OPA1: variants seen among roughly 807,000 people sequenced by gnomAD.
OPA1 encodes the protein dynamin-like GTPase OPA1, mitochondrial.
Under a neutral mutation model 152.9 loss-of-function variants are expected in OPA1, and 59 were observed. The observed-to-expected ratio is 0.39, with a 90% confidence interval of 0.31 to 0.48. The LOEUF (loss-of-function observed/expected upper bound fraction) is 0.48, where lower values mean the gene tolerates loss of function less well. OPA1 is among the 20% of genes least tolerant of loss of function. The pLI is 0.96. For synonymous variants in OPA1, 400 were observed against 389.9 expected (o/e 1.03, Z -0.31); for missense variants, 1,008 against 1,216.8 (o/e 0.83, Z 2.55).
chr3:193,672,590 C>T (rs574089884), intron 29 of OPA1, among the ~76,000 whole-genome samples: 170 of 152,110 alleles, frequency 1.1e-3, no homozygotes, highest in Non-Finnish European at 2.0e-3. Context: ...GAGTCTTGGC[C>T]GGATGCGGTG....
chr3:193,633,417 A>C (rs1016765975), intron 8 of OPA1, among the ~76,000 whole-genome samples: 11 of 152,206 alleles, frequency 7.2e-5, no homozygotes, highest in African/African-American at 2.7e-4. Flanking sequence ...TCCCCAGAAA[A>C]TGTAGACCCC....
intron 1 of OPA1, among the ~76,000 whole-genome samples, chr3:193,596,361 C>CCT (rs1725546666): frequency 7.9e-4 from 37 of 46,980 alleles, no homozygotes; most frequent in African/African-American, 2.6e-3. Context: ...CTTTTCTTTT[C>CCT]TTAATTTTCT....
intron 27 of OPA1, among the ~76,000 whole-genome samples, chr3:193,666,071 A>G (rs181557903): frequency 3.9e-5 from 6 of 152,312 alleles, no homozygotes; most frequent in Admixed American, 3.9e-4. Flanking sequence ...TAGAATTGAA[A>G]CAAAGCTATC....
chr3:193,602,327 GT>G (rs1726591357), intron 1 of OPA1, among the ~76,000 whole-genome samples: 1 of 152,202 alleles, frequency 6.6e-6, no homozygotes, highest in Admixed American at 6.5e-5. Context: ...ATCCAACGAG[GT>G]TCAAGAGTGA....
At position 193,617,463 on chromosome 3, in the gene OPA1, G is replaced by T. The variant is rs10937593; in HGVS notation, c.556+178G>T. Among the ~76,000 whole-genome samples the T allele has an allele frequency of 0.5, 75,397 of 151,972 alleles. 19,082 individuals are homozygous for T. The highest frequency in any genetic ancestry group is 0.57 in the African/African-American group (23,451 of 41,450). ...GTTACACAATGGTTTTAATCTTTGT[G>T]TAGCCCAGTAAAATGACAGTTCCTA... On this transcript the variant is annotated intron_variant, in intron 4 of 30. Coordinates refer to ENST00000361510, the MANE Select transcript of OPA1 (RefSeq NM_130837.3).
intron 18 of OPA1, among the ~76,000 whole-genome samples, chr3:193,646,060 CTCTT>C (rs1168579781): frequency 1.6e-5 from 2 of 122,822 alleles, no homozygotes; most frequent in African/African-American, 5.9e-5. Context: ...AGATATCTGC[CTCTT>C]ACTTTATTTT....
intron 25 of OPA1, 129 bp downstream of exon 25, chr3:193,659,690 C>G (rs1417131177): frequency 2.9e-6 from 2 of 697,650 alleles, no homozygotes; most frequent in Non-Finnish European, 4.8e-6. Context: ...ATCATACTTT[C>G]TAAAATATAA....
chr3:193,631,470 C>T, intron 7 of OPA1, 142 bp from the exon 8 acceptor site: 3 of 588,118 alleles, frequency 5.1e-6, no homozygotes, highest in Non-Finnish European at 8.9e-6. Context: ...TTTCTTAAAT[C>T]ACTTGATTTA....
chr3:193,684,642 G>A (rs1355744609), intron 29 of OPA1, among the ~76,000 whole-genome samples: 1 of 151,894 alleles, frequency 6.6e-6, no homozygotes, highest in Non-Finnish European at 1.5e-5. Flanking sequence ...GTAGAGATGG[G>A]TTTTCGCCAT....
intron 29 of OPA1, among the ~76,000 whole-genome samples, chr3:193,675,855 A>G (rs1205980169): frequency 6.6e-6 from 1 of 152,228 alleles, no homozygotes; most frequent in East Asian, 1.9e-4. Context: ...ATCTTGTAAT[A>G]CAGACTGTTC....
At chr3:193,663,658 A>G (rs1017174877) in intron 26 of OPA1, among the ~76,000 whole-genome samples, 1 of 152,158 alleles carries the variant, frequency 6.6e-6, no homozygotes, top group African/African-American at 2.4e-5. Flanking sequence ...CTAGTGGGGA[A>G]AGCAATCATT....
In OPA1 at chr3:193,695,150, A is replaced by G. The variant is rs1439716919; in HGVS notation, c.*550A>G. The G allele has an allele frequency of 6.6e-6, 1 of 152,218 alleles. No individual in the cohort carries two copies. The highest frequency in any genetic ancestry group is 1.9e-4 in the East Asian group (1 of 5,200). 9.4% of individuals were successfully genotyped at this position (152,218 alleles called of 1,614,324 possible). A position where few individuals can be genotyped will look rare whatever the true frequency, so the allele number is the denominator to read the frequency against. On this transcript the variant is annotated 3_prime_UTR_variant, in exon 31 of 31. Coordinates refer to ENST00000361510, the MANE Select transcript of OPA1 (RefSeq NM_130837.3). ...ACCACATGAAAGAAAAATGGGTAACAGAAGAACCCTTAAAACAGGTTAATT... is the reference window on the plus strand; with the variant it reads ...ACCACATGAAAGAAAAATGGGTAACGGAAGAACCCTTAAAACAGGTTAATT...
At chr3:193,625,857 T>C (rs1731035639) in intron 6 of OPA1, among the ~76,000 whole-genome samples, 1 of 152,194 alleles carries the variant, frequency 6.6e-6, no homozygotes, top group African/African-American at 2.4e-5. Context: ...TTATTGCACT[T>C]TCCTTTTCAC....
chr3:193,644,357 A>G (rs1734217107), intron 16 of OPA1, among the ~76,000 whole-genome samples: 1 of 152,170 alleles, frequency 6.6e-6, no homozygotes, highest in South Asian at 2.1e-4. Context: ...TTCCTCCAGC[A>G]ACAAGCTGCT....
chr3:193,614,607 C>A, intron 1 of OPA1, 116 bp from the exon 2 acceptor site: 1 of 791,324 alleles, frequency 1.3e-6, no homozygotes, highest in South Asian at 1.4e-5. Flanking sequence ...TATTGTGTGA[C>A]ATTGTGGTTA....
At chr3:193,647,736 T>C (rs1055327964) in intron 19 of OPA1, among the ~76,000 whole-genome samples, 2 of 152,236 alleles carry the variant, frequency 1.3e-5, no homozygotes, top group Admixed American at 6.5e-5. Flanking sequence ...TAACTTATCC[T>C]ATTACCCAGT....
At chr3:193,631,852 T>G (rs1048673820) in intron 8 of OPA1, 187 bp downstream of exon 8, 1 of 617,880 alleles carries the variant, frequency 1.6e-6, no homozygotes, top group Non-Finnish European at 2.9e-6. Context: ...TAGATAAGTA[T>G]GGAGTTAACT....
At chr3:193,645,681 TAA>T (rs746958524) in intron 17 of OPA1, 45 bp from the exon 18 acceptor site, 42 of 1,607,352 alleles carry the variant, frequency 2.6e-5, no homozygotes, top group Admixed American at 1.7e-5. Context: ...TTTCAAATAA[TAA>T]AGAGTAATTT....
At chr3:193,641,567 C>G (rs115811397) in intron 11 of OPA1, among the ~76,000 whole-genome samples, 1 of 152,124 alleles carries the variant, frequency 6.6e-6, no homozygotes, top group Non-Finnish European at 1.5e-5. Context: ...TCTACTCAAC[C>G]CAGTGAAACT....
Sources: gnomAD v4.1 joint callset for allele counts (sites outside exome capture counted in the v4.1 genomes callset) on GRCh38, gnomAD v4.1.1 for gene constraint, MANE v1.5 for transcripts, NCBI Gene and HGNC (gene_info 2026-07-23, HGNC 2026-07-21) for gene names.